The following PID1 variants were observed in gnomAD, a reference collection of about 807,000 sequenced individuals.
The protein encoded by PID1 is PTB-containing, cubilin and LRP1-interacting protein.
Under a neutral mutation model 19.1 loss-of-function variants are expected in PID1, and 10 were observed. That is an observed-to-expected ratio of 0.52 (90% confidence interval 0.32 to 0.89). The LOEUF is 0.89. PID1 is among the 40% of genes least tolerant of loss of function. PID1 has a pLI of 0.03. For synonymous variants in PID1, 130 were observed against 116.0 expected (o/e 1.12, Z -0.78); for missense variants, 248 against 285.3 (o/e 0.87, Z 0.94).
At chr2:229,177,436 C>T (rs1025593783) in intron 1 of PID1, among the ~76,000 whole-genome samples, 4 of 152,194 alleles carry the variant, frequency 2.6e-5, no homozygotes, top group African/African-American at 9.6e-5. Context: ...ATTATTCCTA[C>T]ATAATTAATT....
At chr2:229,229,805 T>C (rs1409003890) in intron 1 of PID1, among the ~76,000 whole-genome samples, 4 of 152,226 alleles carry the variant, frequency 2.6e-5, no homozygotes, top group African/African-American at 9.6e-5. Flanking sequence ...CTGGTGGAGC[T>C]GGGTTTCACC....
At chr2:229,232,788 AATATATATATATATATATAT>A (rs3997299) in intron 1 of PID1, among the ~76,000 whole-genome samples, 1 of 139,922 alleles carries the variant, frequency 7.1e-6, no homozygotes, top group Admixed American at 7.2e-5. Context: ...CACACACATA[AATATATATATATATATATAT>A]ATATATATAT....
chr2:229,248,090 T>A lies in PID1; in HGVS notation c.30+22924A>T, dbSNP rs546551108. Reference sequence around the variant, plus strand: ...CTTCATCCCTAAATATATCAGTATATATTTCCTAAGAACAAGAACATTCTC... The same window carrying A: ...CTTCATCCCTAAATATATCAGTATAAATTTCCTAAGAACAAGAACATTCTC... On this transcript the variant is annotated intron_variant, in intron 1 of 2. Coordinates refer to ENST00000392055, the MANE Select transcript of PID1 (RefSeq NM_001100818.2). Among the ~76,000 whole-genome samples, 16 of 152,268 alleles carry A rather than the reference T, an allele frequency of 1.1e-4. No homozygotes were observed. In the South Asian group the frequency reaches 3.3e-3, roughly 32 times the overall value.
intron 2 of PID1, among the ~76,000 whole-genome samples, chr2:229,155,483 G>C (rs1032664231): frequency 4.0e-5 from 6 of 151,236 alleles, no homozygotes; most frequent in Non-Finnish European, 7.4e-5. Flanking sequence ...TGAGGCAGGA[G>C]AATGATGTGA....
At chr2:229,112,449 A>G (rs576881550) in intron 2 of PID1, among the ~76,000 whole-genome samples, 1 of 152,258 alleles carries the variant, frequency 6.6e-6, no homozygotes, top group Admixed American at 6.5e-5. Context: ...TGCACCTCCT[A>G]AACAGAAGGG....
chr2:229,054,165 C>T (rs1406909656), intron 2 of PID1, among the ~76,000 whole-genome samples: 2 of 152,098 alleles, frequency 1.3e-5, no homozygotes. Flanking sequence ...TGCAAGAAAG[C>T]AGGTAATTAA....
chr2:229,253,141 C>T lies in PID1; in HGVS notation c.30+17873G>A, dbSNP rs118069809. ...CAGAGCCATTCACATTTTTAACCAA[C>T]AACTACAAATGTTTCTTAAGAAATG... is the stretch of plus-strand genomic sequence containing the variant. On this transcript the variant is annotated intron_variant, in intron 1 of 2. Coordinates refer to ENST00000392055, the MANE Select transcript of PID1 (RefSeq NM_001100818.2). 1.8e-3 allele frequency among the ~76,000 whole-genome samples: 280 copies of T among 152,298 alleles called. 3 individuals are homozygous for T. Among genetic ancestry groups the T allele is most frequent in the East Asian group, 0.015 (78 of 5,184 alleles).
At chr2:229,041,168 C>T (rs895154345) in intron 2 of PID1, among the ~76,000 whole-genome samples, 3 of 152,170 alleles carry the variant, frequency 2.0e-5, no homozygotes, top group Non-Finnish European at 2.9e-5. Flanking sequence ...TCATTCTCCA[C>T]TAAAAGAAGC....
intron 1 of PID1, among the ~76,000 whole-genome samples, chr2:229,190,162 C>T (rs553878725): frequency 5.9e-5 from 9 of 152,254 alleles, no homozygotes; most frequent in African/African-American, 7.2e-5. Flanking sequence ...TTCCCCTCTA[C>T]GGCAACGGCA....
At chr2:229,077,578 G>A (rs998291236) in intron 2 of PID1, among the ~76,000 whole-genome samples, 5 of 152,128 alleles carry the variant, frequency 3.3e-5, no homozygotes, top group Non-Finnish European at 7.4e-5. Context: ...GTAAGGAAGG[G>A]GTCCAGTTTC....
intron 2 of PID1, among the ~76,000 whole-genome samples, chr2:229,106,075 G>A (rs115868839): frequency 0.19 from 1,575 of 8,200 alleles, 16 homozygotes; most frequent in Middle Eastern, 0.43. Context: ...GCGAGATTCC[G>A]TCAAAAAAAA....
chr2:229,055,621 T>C (rs1032561233), intron 2 of PID1, among the ~76,000 whole-genome samples: 9 of 152,198 alleles, frequency 5.9e-5, no homozygotes, highest in Non-Finnish European at 2.9e-5. Flanking sequence ...TCTCTGTATC[T>C]ATAATATGTT....
At chr2:229,053,385 T>G (rs1694033033) in intron 2 of PID1, among the ~76,000 whole-genome samples, 1 of 152,232 alleles carries the variant, frequency 6.6e-6, no homozygotes, top group Non-Finnish European at 1.5e-5. Flanking sequence ...AAAGCAAACA[T>G]TTACTGAGCA....
At chr2:229,139,000 AAAGAAAG>A (rs1361917495) in intron 2 of PID1, among the ~76,000 whole-genome samples, 1 of 88,998 alleles carries the variant, frequency 1.1e-5, no homozygotes, top group African/African-American at 4.3e-5. Context: ...AGAAAGAAAG[AAAGAAAG>A]AAAGAAAGAA....
At chr2:229,035,173 T>G (rs1693636120) in intron 2 of PID1, among the ~76,000 whole-genome samples, 1 of 152,180 alleles carries the variant, frequency 6.6e-6, no homozygotes, top group Non-Finnish European at 1.5e-5. Context: ...TAGATGTGAT[T>G]AACATTTAAA....
intron 2 of PID1, among the ~76,000 whole-genome samples, chr2:229,102,766 C>T (rs1695099900): frequency 6.6e-6 from 1 of 152,188 alleles, no homozygotes; most frequent in South Asian, 2.1e-4. Flanking sequence ...AAAACTGATG[C>T]CCAGAGTGGG....
intron 2 of PID1, among the ~76,000 whole-genome samples, chr2:229,044,256 T>G (rs1693830545): frequency 6.6e-6 from 1 of 151,938 alleles, no homozygotes; most frequent in Non-Finnish European, 1.5e-5. Context: ...ATGAGGATGC[T>G]GAGATGCTTG....
At chr2:229,133,067 G>A (rs1470007372) in intron 2 of PID1, among the ~76,000 whole-genome samples, 1 of 152,108 alleles carries the variant, frequency 6.6e-6, no homozygotes, top group Non-Finnish European at 1.5e-5. Context: ...ATGGCTCCTG[G>A]CACTCTACCT....
At chr2:229,051,576 G>T (rs531632219) in intron 2 of PID1, among the ~76,000 whole-genome samples, 1 of 152,080 alleles carries the variant, frequency 6.6e-6, no homozygotes, top group Non-Finnish European at 1.5e-5. Context: ...GAGCCCAAGC[G>T]ATCTGCTTGC....
Sources: gnomAD v4.1 joint callset for allele counts (sites outside exome capture counted in the v4.1 genomes callset) on GRCh38, gnomAD v4.1.1 for gene constraint, MANE v1.5 for transcripts, NCBI Gene and HGNC (gene_info 2026-07-23, HGNC 2026-07-21) for gene names.